PPP3CA: variants seen among roughly 807,000 people sequenced by gnomAD.
The protein encoded by PPP3CA is protein phosphatase 3 catalytic subunit alpha.
In PPP3CA, 14 loss-of-function variants were observed where a neutral mutation model predicts 66.5. The observed-to-expected ratio is 0.21, with a 90% CI of 0.14 to 0.33. The LOEUF is 0.33. Among genes scored for constraint, PPP3CA ranks in the 10% least tolerant of loss-of-function variants. The pLI is 1.00. For missense variants in PPP3CA, 317 were observed against 639.5 expected (o/e 0.50, Z 5.44); for synonymous variants, 232 against 226.2 (o/e 1.03, Z -0.23).
At chr4:101,053,737 C>T (rs963844756) in intron 10 of PPP3CA, among the ~76,000 whole-genome samples, 7 of 152,054 alleles carry the variant, frequency 4.6e-5, no homozygotes, top group Non-Finnish European at 7.4e-5. Flanking sequence ...CCCTCCTATG[C>T]CCCTAGGTTT....
intron 2 of PPP3CA, among the ~76,000 whole-genome samples, chr4:101,121,002 G>A (rs1440977690): frequency 2.0e-5 from 3 of 151,998 alleles, no homozygotes; most frequent in Non-Finnish European, 4.4e-5. Context: ...TGGTATATAT[G>A]GCATATAAAC....
intron 1 of PPP3CA, among the ~76,000 whole-genome samples, chr4:101,289,786 G>C (rs893369343): frequency 2.0e-5 from 3 of 151,590 alleles, no homozygotes; most frequent in African/African-American, 7.3e-5. Context: ...TATGACTTCT[G>C]TGAATCTGTC....
At chr4:101,053,348 G>A (rs1017268513) in intron 10 of PPP3CA, among the ~76,000 whole-genome samples, 1 of 151,956 alleles carries the variant, frequency 6.6e-6, no homozygotes, top group African/African-American at 2.4e-5. Flanking sequence ...TTCTGCACTG[G>A]GTGCAAATAT....
At chr4:101,282,932 C>T (rs957642683) in intron 1 of PPP3CA, among the ~76,000 whole-genome samples, 1 of 152,198 alleles carries the variant, frequency 6.6e-6, no homozygotes, top group Non-Finnish European at 1.5e-5. Flanking sequence ...TCTTTTCTAT[C>T]TATCCTTCAC....
intron 9 of PPP3CA, among the ~76,000 whole-genome samples, chr4:101,062,453 T>A (rs950370839): frequency 1.3e-5 from 2 of 151,978 alleles, no homozygotes; most frequent in African/African-American, 2.4e-5. Flanking sequence ...CTGATACTTA[T>A]AGGAACATTT....
chr4:101,139,100 T>G (rs956873945), intron 2 of PPP3CA, among the ~76,000 whole-genome samples: 10 of 152,074 alleles, frequency 6.6e-5, no homozygotes, highest in African/African-American at 2.2e-4. Context: ...ATCCCAGCAC[T>G]TTGGGAAGCT....
chr4:101,049,988 T>C (rs1727940116), intron 10 of PPP3CA, among the ~76,000 whole-genome samples: 1 of 152,010 alleles, frequency 6.6e-6, no homozygotes, highest in Non-Finnish European at 1.5e-5. Flanking sequence ...GCACGGTGTT[T>C]TGTTACTTCG....
At chr4:101,137,213 T>C (rs1225042061) in intron 2 of PPP3CA, among the ~76,000 whole-genome samples, 1 of 152,188 alleles carries the variant, frequency 6.6e-6, no homozygotes, top group Non-Finnish European at 1.5e-5. Context: ...TTACCAGGCA[T>C]ATTACAGTGG....
intron 2 of PPP3CA, among the ~76,000 whole-genome samples, chr4:101,138,625 CA>C (rs1387714356): frequency 6.6e-6 from 1 of 152,114 alleles, no homozygotes; most frequent in African/African-American, 2.4e-5. Flanking sequence ...TGTTGGTACT[CA>C]AAAAGTTTCA....
At chr4:101,114,159 G>A (rs370582183) in intron 2 of PPP3CA, among the ~76,000 whole-genome samples, 3 of 152,004 alleles carry the variant, frequency 2.0e-5, no homozygotes, top group African/African-American at 4.8e-5. Context: ...CACTCCTAGC[G>A]CTCTATGAAA....
intron 1 of PPP3CA, among the ~76,000 whole-genome samples, chr4:101,246,060 T>C (rs746722470): frequency 1.1e-4 from 16 of 152,130 alleles, no homozygotes; most frequent in Non-Finnish European, 1.5e-5. Context: ...ACGTCAACCA[T>C]GAAATCTTCC....
chr4:101,166,992 C>T (rs1174968158), intron 2 of PPP3CA, among the ~76,000 whole-genome samples: 2 of 152,134 alleles, frequency 1.3e-5, no homozygotes, highest in African/African-American at 2.4e-5. Context: ...TTTAATTATA[C>T]GTGCAATTTA....
At chr4:101,294,107 C>T (rs889788872) in intron 1 of PPP3CA, among the ~76,000 whole-genome samples, 1 of 152,202 alleles carries the variant, frequency 6.6e-6, no homozygotes, top group Non-Finnish European at 1.5e-5. Context: ...ATCAAGCCTT[C>T]ATGTAATACA....
chr4:101,168,938 ATTATAATTCT>A (rs2110313431), intron 2 of PPP3CA, among the ~76,000 whole-genome samples: 2 of 152,316 alleles, frequency 1.3e-5, no homozygotes, highest in African/African-American at 4.8e-5. Flanking sequence ...TGATATAAGA[ATTATAATTCT>A]TTATAATTCT....
chr4:101,238,100 C>T lies in PPP3CA; in HGVS notation c.59-41984G>A, dbSNP rs190598880. Among the ~76,000 whole-genome samples, 65 of 152,072 alleles carry T rather than the reference C, an allele frequency of 4.3e-4. 1 individual carries two copies. Among genetic ancestry groups the T allele is most frequent in the African/African-American group, 1.5e-3 (62 of 41,514 alleles). On this transcript the variant is annotated intron_variant, in intron 1 of 13. Coordinates refer to ENST00000394854, the MANE Select transcript of PPP3CA (RefSeq NM_000944.5). The stretch of plus-strand genomic sequence containing the variant: ...CATTCTGTTTCTCGGCAACAACAAA[C>T]GCTTGTAGAATAAATGAGTGTGATA...
intron 1 of PPP3CA, among the ~76,000 whole-genome samples, chr4:101,287,413 G>C (rs1727878778): frequency 6.6e-6 from 1 of 152,220 alleles, no homozygotes; most frequent in South Asian, 2.1e-4. Context: ...AGCCTTTAGA[G>C]AGAACTGATG....
intron 8 of PPP3CA, among the ~76,000 whole-genome samples, chr4:101,078,181 T>C (rs1013668013): frequency 2.0e-5 from 3 of 152,184 alleles, no homozygotes; most frequent in East Asian, 3.9e-4. Flanking sequence ...ATAAAAAATA[T>C]ATAAAAGCAT....
intron 1 of PPP3CA, among the ~76,000 whole-genome samples, chr4:101,256,435 A>G (rs1444135257): frequency 1.3e-5 from 2 of 152,002 alleles, no homozygotes; most frequent in African/African-American, 4.8e-5. Flanking sequence ...ATTGCTAGAA[A>G]TGGTAAATAC....
intron 1 of PPP3CA, among the ~76,000 whole-genome samples, chr4:101,241,268 T>C (rs1056344926): frequency 6.6e-6 from 1 of 152,114 alleles, no homozygotes; most frequent in Non-Finnish European, 1.5e-5. Context: ...GGAAAGGTGC[T>C]TCATCTATAA....
Sources: allele counts gnomAD v4.1 joint callset (sites outside exome capture counted in the v4.1 genomes callset), GRCh38; gene constraint gnomAD v4.1.1; transcripts MANE v1.5; gene names NCBI Gene and HGNC (gene_info 2026-07-23, HGNC 2026-07-21).